Variants in IFFO2 observed in about 807,000 individuals in gnomAD.
IFFO2 encodes intermediate filament family orphan 2.
In IFFO2, 19 loss-of-function variants were observed where a neutral mutation model predicts 53.5. That is an observed-to-expected ratio of 0.36 (90% CI 0.25 to 0.52). IFFO2 has a LOEUF of 0.52. IFFO2 is among the 20% of genes least tolerant of loss of function. IFFO2 has a pLI of 0.94. For missense variants in IFFO2, 570 were observed against 727.4 expected (o/e 0.78, Z 2.49); for synonymous variants, 303 against 313.6 (o/e 0.97, Z 0.36).
In IFFO2 at chr1:18,956,036, C is replaced by T. The variant is rs1003354216; in HGVS notation, c.297G>A (p.Lys99=). The T allele has an allele frequency of 1.4e-6, 2 of 1,467,218 alleles. No individual in the cohort carries two copies. Among genetic ancestry groups the T allele is most frequent in the Admixed American group, 2.1e-5 (1 of 47,142 alleles). The allele number at this position is 1,467,218 out of a possible 1,614,324, so 90.9% of individuals were successfully genotyped here. The change falls in exon 1 of 9, where the codon AAG becomes AAA. Residue 99 remains lysine (K), a synonymous_variant. Coordinates refer to ENST00000455833, the MANE Select transcript of IFFO2 (RefSeq NM_001136265.2). This position sits in a 1 kb window ranked among gnomAD's most constrained non-coding sequence, Gnocchi z 6.4. ...GCACGGCCTGCTCGCGGGAGAAGGT[C>T]TTGTAGCGCAGCCGCCGCTCGCGCT... ...QSERERRLRY[K]TFSREQAVQT...
intron 8 of IFFO2, among the ~76,000 whole-genome samples, 161 bp downstream of exon 8, chr1:18,910,181 T>C (rs1936012892): frequency 1.3e-5 from 2 of 150,098 alleles, no homozygotes; most frequent in Non-Finnish European, 3.0e-5. Context: ...GGTGTGCTAA[T>C]AGTCACTGGA....
At position 18,919,638 on chromosome 1, in the gene IFFO2, G is replaced by A. The variant is rs1336086204; in HGVS notation, c.822+40C>T. ...TGAAGCATTTTGCATGATGGGTGTG[G>A]GGGAGGTCATGACACCCAGGGGCGG... On this transcript the variant is annotated intron_variant, in intron 3 of 8. Coordinates refer to ENST00000455833, the MANE Select transcript of IFFO2 (RefSeq NM_001136265.2). This position sits in a 1 kb window ranked among gnomAD's most constrained non-coding sequence, Gnocchi z 4.9. 2.3e-6 allele frequency: 3 copies of A among 1,317,966 alleles called. No individual in the cohort carries two copies. The African/African-American group carries it at 4.4e-5, about 19-fold the overall frequency. The allele number at this position is 1,317,966 out of a possible 1,614,324, so 81.6% of individuals were successfully genotyped here.
chr1:18,955,936 C>T lies in IFFO2; in HGVS notation c.397G>A (p.Ala133Thr). 1 of 1,266,484 alleles carries T rather than the reference C, an allele frequency of 7.9e-7. No individual in the cohort carries two copies. Among genetic ancestry groups the T allele is most frequent in the East Asian group, 3.3e-5 (1 of 30,228 alleles). The allele number at this position is 1,266,484 out of a possible 1,614,324, so 78.5% of individuals were successfully genotyped here. A position where few individuals can be genotyped will look rare whatever the true frequency, so the allele number is the denominator to read the frequency against. ...HGLSSGAAAG[A>T]NANAVALGGL... ...CCCAGGGCCACGGCATTGGCGTTGG[C>T]GCCGGCCGCCGCGCCACTGCTGAGG... The change falls in exon 1 of 9, where the codon GCC (alanine) becomes ACC (threonine). Residue 133 changes from alanine (A) to threonine (T), a missense_variant. Coordinates refer to ENST00000455833, the MANE Select transcript of IFFO2 (RefSeq NM_001136265.2).
In IFFO2 at chr1:18,921,281, T is replaced by C. The variant is rs372488580; in HGVS notation, c.666-160A>G. On this transcript the variant is annotated intron_variant, in intron 1 of 8. Transcript: ENST00000455833. ...GCCTGCCCTCTGGGAGCTCCCAGCC[T>C]AGGGGAGGTGGTGTGAGAGGACAGC... Among the ~76,000 whole-genome samples the C allele has an allele frequency of 1.8e-4, 27 of 152,228 alleles. No homozygotes were observed. In the East Asian group the frequency reaches 3.9e-3, roughly 22 times the overall value.
Position 18,911,830 on chromosome 1 carries a change from C to T in IFFO2, c.1224+133G>A, listed in dbSNP as rs935984880. On this transcript the variant is annotated intron_variant, in intron 6 of 8. Coordinates refer to ENST00000455833, the MANE Select transcript of IFFO2 (RefSeq NM_001136265.2). ...CTGGGATTACAGGCATGAGCCACTG[C>T]GCCTGGCCCAAAGGGGACAGTTTAG... is the stretch of plus-strand genomic sequence containing the variant. The T allele has an allele frequency of 5.9e-5, 70 of 1,182,978 alleles. 1 individual carries two copies. Among genetic ancestry groups the T allele is most frequent in the South Asian group, 5.3e-4 (35 of 66,036 alleles). The allele number at this position is 1,182,978 out of a possible 1,614,324, so 73.3% of individuals were successfully genotyped here.
intron 1 of IFFO2, among the ~76,000 whole-genome samples, chr1:18,935,168 G>A (rs530463500): frequency 3.3e-5 from 5 of 152,178 alleles, no homozygotes; most frequent in African/African-American, 4.8e-5. Flanking sequence ...TTCCTCATTA[G>A]TCAAAAGATT....
intron 1 of IFFO2, among the ~76,000 whole-genome samples, chr1:18,954,640 CCTT>C (rs1557652411): frequency 1.3e-5 from 2 of 152,372 alleles, no homozygotes; most frequent in East Asian, 1.9e-4. Context: ...AAAGACAGAC[CCTT>C]CTTCTCTTAT....
chr1:18,919,789 TGGGGAGGCTTCAGA>T lies in IFFO2; in HGVS notation c.727-30_727-17del, dbSNP rs1557641134. On this transcript the variant is annotated splice_polypyrimidine_tract_variant and intron_variant, in intron 2 of 8. Transcript: ENST00000455833. The surrounding 1 kb of genome is among the most constrained non-coding windows in gnomAD (Gnocchi z 4.9). ...CCTGTGCTGCCTGCGGGGACGGAGA[TGGGGAGGCTTCAGA>T]GGGGCCGGGTCCTCTGGGGATAGGA... 1 of 1,537,396 alleles carries T rather than the reference TGGGGAGGCTTCAGA, an allele frequency of 6.5e-7. No homozygotes were observed. Among genetic ancestry groups the T allele is most frequent in the Non-Finnish European group, 8.8e-7 (1 of 1,134,500 alleles).
intron 1 of IFFO2, among the ~76,000 whole-genome samples, chr1:18,949,281 C>T (rs955004698): frequency 2.9e-4 from 44 of 152,358 alleles, no homozygotes; most frequent in African/African-American, 1.0e-3. Context: ...CAGTGGGAGA[C>T]GAAGCCAGAG....
rs1216232803 is a variant in IFFO2, at chr1:18,908,609, G to A, written c.1506C>T (p.Ile502=). ...CCGCCTCGCGCTCGAACTCATCCTGGATCTCATCTGTACTTCCTGAGTCGC... is the reference window on the plus strand; with the variant it reads ...CCGCCTCGCGCTCGAACTCATCCTGAATCTCATCTGTACTTCCTGAGTCGC... ...ASSDSGSTDE[I]QDEFEREADV... is the part of the protein sequence containing the mutation. Residue 502 remains isoleucine (I), a synonymous_variant, in exon 9 of 9, where the codon ATC becomes ATT. Transcript: ENST00000455833. 6.4e-7 allele frequency: 1 copy of A among 1,551,732 alleles called. No homozygotes were observed. The highest frequency in any genetic ancestry group is 1.2e-5 in the South Asian group (1 of 84,062).
Position 18,908,592 on chromosome 1 carries a change from C to A in IFFO2, c.1523G>T (p.Arg508Leu). The A allele has an allele frequency of 1.9e-6, 3 of 1,551,676 alleles. No individual in the cohort carries two copies. Among genetic ancestry groups the A allele is most frequent in the Non-Finnish European group, 2.6e-6 (3 of 1,146,910 alleles). The part of the protein sequence containing the change: ...STDEIQDEFE[R>L]EADVEPMVS ...GACCATGGGCTCCACATCCGCCTCG[C>A]GCTCGAACTCATCCTGGATCTCATC... The change falls in exon 9 of 9, where the codon CGC becomes CTC. Residue 508 changes from arginine (R) to leucine (L), a missense_variant. Arg to Leu is a moderately radical substitution (Grantham distance 102, BLOSUM62 -2). Transcript: ENST00000455833.
rs1281580738 is a variant in IFFO2, at chr1:18,955,997, C to G, written c.336G>C (p.Glu112Asp). The change falls in exon 1 of 9, where the codon GAG (glutamate) becomes GAC (aspartate). Residue 112 changes from glutamate to aspartate, a missense_variant. Coordinates refer to ENST00000455833, the MANE Select transcript of IFFO2 (RefSeq NM_001136265.2). ...CGCCGGGCGCCGGGGGCCGCAGCAA[C>G]TCGGGCCCGGTCTGCACGGCCTGCT... is the stretch of plus-strand genomic sequence containing the variant. ...SREQAVQTGP[E>D]LLRPPAPGGG... 3 of 1,375,460 alleles carry G rather than the reference C, an allele frequency of 2.2e-6. No individual in the cohort carries two copies. The East Asian group carries it at 1.0e-4, about 46-fold the overall frequency. The allele number at this position is 1,375,460 out of a possible 1,614,324, so 85.2% of individuals were successfully genotyped here. A position where few individuals can be genotyped will look rare whatever the true frequency, so the allele number is the denominator to read the frequency against.
chr1:18,923,552 C>T (rs1169886352), intron 1 of IFFO2, among the ~76,000 whole-genome samples: 1 of 152,300 alleles, frequency 6.6e-6, no homozygotes, highest in East Asian at 1.9e-4. Flanking sequence ...ACATCACTGG[C>T]TTGAATGTGA....
intron 2 of IFFO2, among the ~76,000 whole-genome samples, chr1:18,920,414 A>C (rs1936200466): frequency 6.6e-6 from 1 of 152,348 alleles, no homozygotes; most frequent in Admixed American, 6.5e-5. Context: ...ATCAGAACGC[A>C]ATTTCTAGAC....
chr1:18,931,816 C>A (rs1332043506), intron 1 of IFFO2, among the ~76,000 whole-genome samples: 1 of 152,202 alleles, frequency 6.6e-6, no homozygotes, highest in African/African-American at 2.4e-5. Flanking sequence ...GTCTCGTCGG[C>A]TCCATAAGCC....
chr1:18,917,022 C>G lies in IFFO2; in HGVS notation c.984G>C (p.Glu328Asp), dbSNP rs1273033290. 1.3e-6 allele frequency: 2 copies of G among 1,552,324 alleles called. No homozygotes were observed. Among genetic ancestry groups the G allele is most frequent in the Non-Finnish European group, 1.7e-6 (2 of 1,147,126 alleles). Residue 328 changes from glutamate to aspartate, a missense_variant, in exon 5 of 9, where the codon GAG (glutamate) becomes GAC (aspartate). Transcript: ENST00000455833. This position sits in a 1 kb window ranked among gnomAD's most constrained non-coding sequence, Gnocchi z 5.9. ...KIFQVVPKKK[E>D]RKVASDDDIS... ...TGTCATCATCGGAAGCCACCTTACG[C>G]TCTTTCTTTTTGGGGACCACCTGAA...
intron 1 of IFFO2, among the ~76,000 whole-genome samples, chr1:18,949,896 C>T (rs1936638501): frequency 6.6e-6 from 1 of 152,232 alleles, no homozygotes; most frequent in East Asian, 1.9e-4. Flanking sequence ...GCCTCGCATT[C>T]CTCTGAGAAG....
intron 1 of IFFO2, among the ~76,000 whole-genome samples, chr1:18,945,684 G>C (rs900308046): frequency 1.6e-4 from 25 of 152,316 alleles, no homozygotes; most frequent in African/African-American, 5.8e-4. Context: ...TCAGAGACAG[G>C]CCCCACCCCC....
In IFFO2 at chr1:18,906,833, GA is replaced by G. The variant is rs950042899; in HGVS notation, c.*1727del. 1 of 152,050 alleles carries G rather than the reference GA, an allele frequency of 6.6e-6. No individual in the cohort carries two copies. Among genetic ancestry groups the G allele is most frequent in the African/African-American group, 2.4e-5 (1 of 41,376 alleles). The allele number at this position is 152,050 out of a possible 1,614,324, so 9.4% of individuals were successfully genotyped here. ...GTGCCCCCAGCAAAAGAAAACAAAGGAAAAAACTCATGACGAAGGCCACCAA... is the reference window on the plus strand; with the variant it reads ...GTGCCCCCAGCAAAAGAAAACAAAGGAAAAACTCATGACGAAGGCCACCAA... On this transcript the variant is annotated 3_prime_UTR_variant, in exon 9 of 9. Coordinates refer to ENST00000455833, the MANE Select transcript of IFFO2 (RefSeq NM_001136265.2).
Sources: gnomAD v4.1 joint callset for allele counts (sites outside exome capture counted in the v4.1 genomes callset) on GRCh38, gnomAD v4.1.1 for gene constraint, Gnocchi (gnomAD v3.1) non-coding constraint, MANE v1.5 for transcripts, NCBI Gene and HGNC (gene_info 2026-07-23, HGNC 2026-07-21) for gene names.